The following KCTD20 variants were observed in gnomAD, a reference collection of about 807,000 sequenced individuals.
KCTD20 encodes BTB/POZ domain-containing protein KCTD20.
KCTD20 carries 30 observed loss-of-function variants against 39.6 expected under a neutral mutation model. That is an observed-to-expected ratio of 0.76 (90% CI 0.57 to 1.03). The LOEUF (loss-of-function observed/expected upper bound fraction) is 1.03. Ranked by LOEUF, KCTD20 falls within the 50% of genes least tolerant of loss-of-function variation. KCTD20 has a pLI of 0.00. For missense variants in KCTD20, 422 were observed against 522.0 expected (o/e 0.81, Z 1.87); for synonymous variants, 162 against 180.6 (o/e 0.90, Z 0.83).
intron 2 of KCTD20, among the ~76,000 whole-genome samples, chr6:36,473,340 G>A (rs1281948933): frequency 6.6e-6 from 1 of 151,956 alleles, no homozygotes; most frequent in African/African-American, 2.4e-5. Flanking sequence ...GGGACTACAG[G>A]CGTGAGCCAC....
chr6:36,445,320 A>C (rs1036648977), intron 1 of KCTD20, among the ~76,000 whole-genome samples: 1 of 152,090 alleles, frequency 6.6e-6, no homozygotes, highest in Non-Finnish European at 1.5e-5. Context: ...GGTAAGGACA[A>C]TAATACACGC....
At chr6:36,482,888 G>A (rs993679718) in intron 6 of KCTD20, among the ~76,000 whole-genome samples, 6 of 149,032 alleles carry the variant, frequency 4.0e-5, no homozygotes, top group Non-Finnish European at 8.9e-5. Context: ...GGAGGTTGCA[G>A]TGAGACAAGA....
At chr6:36,485,488 C>A (rs1330652695) in intron 7 of KCTD20, among the ~76,000 whole-genome samples, 2 of 97,120 alleles carry the variant, frequency 2.1e-5, no homozygotes, top group Non-Finnish European at 4.0e-5. Context: ...TGGAGTGGAT[C>A]TTTTTTTTTT....
At chr6:36,484,947 C>G (rs1349935759) in intron 7 of KCTD20, 123 bp downstream of exon 7, 2 of 614,726 alleles carry the variant, frequency 3.3e-6, no homozygotes, top group Non-Finnish European at 5.9e-6. Flanking sequence ...CATTCTTACT[C>G]AAGTTTGAAT....
Position 36,481,669 on chromosome 6 carries a change from C to G in KCTD20, c.766C>G (p.Arg256Gly), listed in dbSNP as rs1447196047. 1 of 1,614,054 alleles carries G rather than the reference C, an allele frequency of 6.2e-7. No homozygotes were observed. Among genetic ancestry groups the G allele is most frequent in the African/African-American group, 1.3e-5 (1 of 74,890 alleles). ...GGTGGGCTGTGCCAAGAAAGGAGAA[C>G]GAGAGTGCCACATTGTTGTGCTGAC... ...IMVGCAKKGE[R>G]ECHIVVLTDE... Residue 256 changes from arginine to glycine, a missense_variant, in exon 6 of 8, where the codon CGA becomes GGA. By Grantham distance (125) the Arg-to-Gly change is moderately radical. Transcript: ENST00000373731.
chr6:36,481,354 A>G (rs1200919548), intron 5 of KCTD20, among the ~76,000 whole-genome samples: 1 of 152,222 alleles, frequency 6.6e-6, no homozygotes, highest in African/African-American at 2.4e-5. Context: ...ATTATTAAAC[A>G]TGAGTAAATT....
rs1471765666 is a variant in KCTD20, at chr6:36,489,645, G to A, written c.*2470G>A. The A allele has an allele frequency of 2.0e-5, 3 of 152,220 alleles. No individual in the cohort carries two copies. The highest frequency in any genetic ancestry group is 1.3e-4 in the Admixed American group (2 of 15,270). The allele number at this position is 152,220 out of a possible 1,614,324, so 9.4% of individuals were successfully genotyped here. On this transcript the variant is annotated 3_prime_UTR_variant, in exon 8 of 8. Coordinates refer to ENST00000373731, the MANE Select transcript of KCTD20 (RefSeq NM_173562.5). The stretch of plus-strand genomic sequence containing the variant: ...CTCACAGAAACAAGGGCTGGGTTGA[G>A]GTCACCCCCTTCAGAGTTGGTTCCT...
At chr6:36,483,379 A>G (rs1230549484) in intron 6 of KCTD20, among the ~76,000 whole-genome samples, 1 of 150,058 alleles carries the variant, frequency 6.7e-6, no homozygotes, top group Non-Finnish European at 1.5e-5. Flanking sequence ...CGTCCGGCTA[A>G]TTTTTGTATT....
chr6:36,481,681 ATTG>A lies in KCTD20; in HGVS notation c.783_785del (p.Val262del). On this transcript the variant is annotated inframe_deletion, in exon 6 of 8. Coordinates refer to ENST00000373731, the MANE Select transcript of KCTD20 (RefSeq NM_173562.5). ...CAAGAAAGGAGAACGAGAGTGCCAC[ATTG>A]TTGTGCTGACGGATGAGGATTCTGT... The A allele has an allele frequency of 6.2e-7, 1 of 1,614,182 alleles. No homozygotes were observed. Among genetic ancestry groups the A allele is most frequent in the Non-Finnish European group, 8.5e-7 (1 of 1,180,040 alleles).
chr6:36,446,183 T>C (rs868269334), intron 1 of KCTD20, among the ~76,000 whole-genome samples: 5 of 151,856 alleles, frequency 3.3e-5, no homozygotes, highest in Non-Finnish European at 5.9e-5. Context: ...CCCGCTACCA[T>C]GCCCGGCTAA....
intron 1 of KCTD20, among the ~76,000 whole-genome samples, chr6:36,462,551 A>G (rs1295440114): frequency 6.6e-6 from 1 of 151,806 alleles, no homozygotes; most frequent in Admixed American, 6.6e-5. Context: ...TCTCTGGGGA[A>G]TGGGGCCCAA....
intron 1 of KCTD20, among the ~76,000 whole-genome samples, chr6:36,457,233 G>T (rs902143530): frequency 2.0e-5 from 3 of 152,142 alleles, no homozygotes; most frequent in African/African-American, 7.2e-5. Flanking sequence ...TGGGCTGTAT[G>T]CTATTCCTGA....
intron 3 of KCTD20, among the ~76,000 whole-genome samples, chr6:36,478,031 G>C (rs556568985): frequency 0.011 from 1,710 of 149,756 alleles, 40 homozygotes; most frequent in African/African-American, 0.04. Flanking sequence ...GGAGGCGGAG[G>C]TTGCAGTGAG....
At position 36,469,407 on chromosome 6, in the gene KCTD20, T is replaced by C. The variant is rs2127443997; in HGVS notation, c.-46-645T>C. On this transcript the variant is annotated intron_variant, in intron 1 of 7. Coordinates refer to ENST00000373731, the MANE Select transcript of KCTD20 (RefSeq NM_173562.5). This position sits in a 1 kb window ranked among gnomAD's most constrained non-coding sequence, Gnocchi z 4.6. ...GCAGTCACATAGTGTGTGTTGTTCA[T>C]GGGGACTCTGCACTGCTTTCGAGAG... Among the ~76,000 whole-genome samples the C allele has an allele frequency of 6.6e-6, 1 of 152,270 alleles. No homozygotes were observed. The highest frequency in any genetic ancestry group is 2.1e-4 in the South Asian group (1 of 4,824).
Position 36,487,244 on chromosome 6 carries a change from G to T in KCTD20, c.*69G>T. ...GGATGCCTGCAGCCAGCCCTCCCTCGTGATTTGTCTCACCTTGAGTAGGAG... is the reference window on the plus strand; with the variant it reads ...GGATGCCTGCAGCCAGCCCTCCCTCTTGATTTGTCTCACCTTGAGTAGGAG... On this transcript the variant is annotated 3_prime_UTR_variant, in exon 8 of 8. Transcript: ENST00000373731. 2.7e-6 allele frequency: 4 copies of T among 1,496,654 alleles called. No homozygotes were observed. The South Asian group carries it at 5.1e-5, about 19-fold the overall frequency. The allele number at this position is 1,496,654 out of a possible 1,614,324, so 92.7% of individuals were successfully genotyped here. A position where few individuals can be genotyped will look rare whatever the true frequency, so the allele number is the denominator to read the frequency against.
Position 36,487,253 on chromosome 6 carries a change from C to T in KCTD20, c.*78C>T. ...CAGCCAGCCCTCCCTCGTGATTTGT[C>T]TCACCTTGAGTAGGAGACATGCTTC... On this transcript the variant is annotated 3_prime_UTR_variant, in exon 8 of 8. Coordinates refer to ENST00000373731, the MANE Select transcript of KCTD20 (RefSeq NM_173562.5). The T allele has an allele frequency of 1.4e-6, 2 of 1,446,470 alleles. No individual in the cohort carries two copies. The highest frequency in any genetic ancestry group is 1.3e-5 in the South Asian group (1 of 76,964). The allele number at this position is 1,446,470 out of a possible 1,614,324, so 89.6% of individuals were successfully genotyped here. A position where few individuals can be genotyped will look rare whatever the true frequency, so the allele number is the denominator to read the frequency against.
chr6:36,466,993 T>C (rs1055096969), intron 1 of KCTD20, among the ~76,000 whole-genome samples: 14 of 152,164 alleles, frequency 9.2e-5, no homozygotes, highest in African/African-American at 3.4e-4. Context: ...TTCGGTGATA[T>C]CTGAAAGTAT....
chr6:36,459,388 A>G (rs1303936110), intron 1 of KCTD20, among the ~76,000 whole-genome samples: 1 of 152,216 alleles, frequency 6.6e-6, no homozygotes, highest in East Asian at 1.9e-4. Context: ...ATATACCATA[A>G]TTTTTCACTT....
chr6:36,483,602 A>T (rs1022784914), intron 6 of KCTD20, among the ~76,000 whole-genome samples: 5 of 150,976 alleles, frequency 3.3e-5, no homozygotes, highest in Non-Finnish European at 7.4e-5. Context: ...GCAGCCTCAA[A>T]CTCCTAGTCT....
Sources: allele counts gnomAD v4.1 joint callset (sites outside exome capture counted in the v4.1 genomes callset), GRCh38; gene constraint gnomAD v4.1.1; non-coding constraint Gnocchi (gnomAD v3.1); transcripts MANE v1.5; gene names NCBI Gene and HGNC (gene_info 2026-07-23, HGNC 2026-07-21).